The following KCNH3 variants were observed in gnomAD, a reference collection of about 807,000 sequenced individuals.
KCNH3 encodes the protein voltage-gated inwardly rectifying potassium channel KCNH3.
KCNH3 carries 36 observed loss-of-function variants against 95.6 expected under a neutral mutation model. The ratio of observed to expected loss-of-function variants is 0.38; its 90% CI spans 0.29 to 0.50. The LOEUF is 0.50. Ranked by LOEUF, KCNH3 falls within the 20% of genes least tolerant of loss-of-function variation. KCNH3 has a pLI of 0.95. For missense variants in KCNH3, 1,030 were observed against 1,484.1 expected, an observed-to-expected ratio of 0.69 and a Z score of 5.03; for synonymous variants, 620 against 646.3, an observed-to-expected ratio of 0.96 and a Z score of 0.62.
rs755768873 is a variant in KCNH3, at chr12:49,557,263, G to T, written c.2652+4G>T. On this transcript the variant is annotated splice_donor_region_variant and intron_variant, in intron 14 of 14. Coordinates refer to ENST00000257981, the MANE Select transcript of KCNH3 (RefSeq NM_012284.3). Reference sequence around the variant, plus strand: ...ACTGGACAAGCTTCGGCAGGCGGTGGGTGAGGGGGAAGGTGGAGGTGAGGG... The same window carrying T: ...ACTGGACAAGCTTCGGCAGGCGGTGTGTGAGGGGGAAGGTGGAGGTGAGGG... 1 of 1,614,010 alleles carries T rather than the reference G, an allele frequency of 6.2e-7. No homozygotes were observed. Among genetic ancestry groups the T allele is most frequent in the Non-Finnish European group, 8.5e-7 (1 of 1,179,992 alleles).
intron 12 of KCNH3, 150 bp downstream of exon 12, chr12:49,556,101 G>A (rs898647640): frequency 1.0e-5 from 6 of 597,060 alleles, no homozygotes; most frequent in Non-Finnish European, 1.5e-5. Flanking sequence ...AGCCTTCTGT[G>A]CTCCTCCTTT....
chr12:49,550,043 TC>T, intron 9 of KCNH3, 36 bp from the exon 10 acceptor site: 1 of 1,299,524 alleles, frequency 7.7e-7, no homozygotes, highest in South Asian at 1.3e-5. Context: ...CTTCTGCCAC[TC>T]CCAACCCCCC....
rs75224647 is a variant in KCNH3 at position 49,556,205 on chromosome 12, T to C, written c.2469-165T>C. On this transcript the variant is annotated intron_variant, in intron 12 of 14. Coordinates refer to ENST00000257981, the MANE Select transcript of KCNH3 (RefSeq NM_012284.3). The stretch of plus-strand genomic sequence containing the variant: ...CTCAAGCTTGGCCCCCCAGCTAAAC[T>C]GTAAGCTCCTAGGGGAAGGGACCCC... The C allele has an allele frequency of 3.5e-3, 2,244 of 635,114 alleles. 12 individuals carry two copies. The highest frequency in any genetic ancestry group is 4.5e-3 in the Non-Finnish European group (1,588 of 353,384). 39.3% of individuals were successfully genotyped at this position (635,114 alleles called of 1,614,324 possible).
intron 7 of KCNH3, among the ~76,000 whole-genome samples, chr12:49,545,475 C>T (rs2138145473): frequency 6.7e-6 from 1 of 149,450 alleles, no homozygotes; most frequent in South Asian, 2.1e-4. Context: ...TCACTGCAAG[C>T]TCCGCCTCCT....
chr12:49,553,451 G>T (rs1565781056), intron 10 of KCNH3, among the ~76,000 whole-genome samples: 1 of 152,106 alleles, frequency 6.6e-6, no homozygotes, highest in Non-Finnish European at 1.5e-5. Flanking sequence ...ATTTATAGGG[G>T]GTTCTATCTG....
At chr12:49,550,043 T>TAGCC in intron 9 of KCNH3, 37 bp from the exon 10 acceptor site, 1 of 1,299,542 alleles carries the variant, frequency 7.7e-7, no homozygotes, top group South Asian at 1.3e-5. Context: ...CTTCTGCCAC[T>TAGCC]CCCAACCCCC....
intron 10 of KCNH3, among the ~76,000 whole-genome samples, chr12:49,553,088 G>A (rs577330071): frequency 1.8e-4 from 28 of 152,202 alleles, no homozygotes; most frequent in African/African-American, 6.3e-4. Context: ...GCTGCCTTGA[G>A]GGTAGTGAGT....
intron 11 of KCNH3, among the ~76,000 whole-genome samples, chr12:49,555,205 C>T (rs945406566): frequency 6.6e-6 from 1 of 150,770 alleles, no homozygotes; most frequent in Non-Finnish European, 1.5e-5. Context: ...CTTTGGGAGG[C>T]TGAGGCGGGT....
chr12:49,557,191 C>T lies in KCNH3; in HGVS notation c.2584C>T (p.Leu862=). ...CATCCTACTACCCACAGAGAGCGGC[C>T]TGCTCACTGTTCCCCATGGGCCCAG... ...SSPSPGPESG[L]LTVPHGPSEA... is the part of the protein sequence containing the mutation. Residue 862 remains leucine (L), a synonymous_variant, in exon 14 of 15, where the codon CTG becomes TTG. Coordinates refer to ENST00000257981, the MANE Select transcript of KCNH3 (RefSeq NM_012284.3). 6.2e-7 allele frequency: 1 copy of T among 1,614,022 alleles called. No homozygotes were observed. The highest frequency in any genetic ancestry group is 8.5e-7 in the Non-Finnish European group (1 of 1,179,986).
Position 49,557,748 on chromosome 12 carries a change from C to T in KCNH3, c.3047C>T (p.Ala1016Val). The T allele has an allele frequency of 6.2e-7, 1 of 1,613,132 alleles. No homozygotes were observed. Among genetic ancestry groups the T allele is most frequent in the Non-Finnish European group, 8.5e-7 (1 of 1,179,668 alleles). The part of the protein sequence containing the change: ...GDLCSEPSTP[A>V]SPPPSEEGAR... Reference sequence around the variant, plus strand: ...CTCTGCTCTGAGCCCAGCACCCCTGCCTCCCCTCCTCCTTCTGAGGAAGGG... The same window carrying T: ...CTCTGCTCTGAGCCCAGCACCCCTGTCTCCCCTCCTCCTTCTGAGGAAGGG... The change falls in exon 15 of 15, where the codon GCC (alanine) becomes GTC (valine). Residue 1016 changes from alanine to valine, a missense_variant. This residue lies in a region of KCNH3 where 464 missense variants were observed against 493.2 expected (regional missense o/e 0.94). Transcript: ENST00000257981.
intron 10 of KCNH3, among the ~76,000 whole-genome samples, chr12:49,553,296 G>A (rs1181399998): frequency 1.3e-5 from 2 of 152,168 alleles, no homozygotes; most frequent in South Asian, 4.2e-4. Flanking sequence ...CCACCACACC[G>A]AGCTTAATTT....
chr12:49,544,732 C>G (rs569633764), intron 7 of KCNH3, among the ~76,000 whole-genome samples: 1 of 152,082 alleles, frequency 6.6e-6, no homozygotes, highest in Non-Finnish European at 1.5e-5. Context: ...CCCCTCCCCC[C>G]GCATCCTCTC....
In KCNH3 at chr12:49,557,378, C is replaced by T. The variant is rs1051831182; in HGVS notation, c.2677C>T (p.Leu893=). The T allele has an allele frequency of 6.2e-7, 1 of 1,601,942 alleles. No individual in the cohort carries two copies. The highest frequency in any genetic ancestry group is 1.7e-5 in the Admixed American group (1 of 59,658). ...GGTGACAGAGCTGTCAGAGCAGGTGCTGCAGATGCGGGAAGGACTGCAGTC... is the reference window on the plus strand; with the variant it reads ...GGTGACAGAGCTGTCAGAGCAGGTGTTGCAGATGCGGGAAGGACTGCAGTC... ...QAVTELSEQV[L]QMREGLQSLR... The change falls in exon 15 of 15, where the codon CTG becomes TTG. Residue 893 remains leucine (L), a synonymous_variant. Coordinates refer to ENST00000257981, the MANE Select transcript of KCNH3 (RefSeq NM_012284.3).
chr12:49,543,742 C>T lies in KCNH3; in HGVS notation c.824-173C>T, dbSNP rs954875943. ...TCTGAGCCTCCATAAAATAGATTCC[C>T]CCTTTGTAAAATAGGCAAAATGATG... On this transcript the variant is annotated intron_variant, in intron 5 of 14. Coordinates refer to ENST00000257981, the MANE Select transcript of KCNH3 (RefSeq NM_012284.3). The T allele has an allele frequency of 4.7e-6, 5 of 1,055,250 alleles. No homozygotes were observed. The East Asian group carries it at 1.3e-4, about 27-fold the overall frequency. The allele number at this position is 1,055,250 out of a possible 1,614,324, so 65.4% of individuals were successfully genotyped here. A position where few individuals can be genotyped will look rare whatever the true frequency, so the allele number is the denominator to read the frequency against.
At chr12:49,556,291 C>T (rs764397743) in intron 12 of KCNH3, 79 bp from the exon 13 acceptor site, 66 of 1,040,416 alleles carry the variant, frequency 6.3e-5, no homozygotes, top group Admixed American at 1.9e-4. Context: ...TGTGTGTGGA[C>T]GCTGGGGCAT....
chr12:49,542,852 C>G lies in KCNH3; in HGVS notation c.579+13C>G, dbSNP rs916836578. 1.9e-6 allele frequency: 3 copies of G among 1,604,550 alleles called. No homozygotes were observed. Among genetic ancestry groups the G allele is most frequent in the Non-Finnish European group, 2.5e-6 (3 of 1,176,872 alleles). On this transcript the variant is annotated intron_variant, in intron 4 of 14. Coordinates refer to ENST00000257981, the MANE Select transcript of KCNH3 (RefSeq NM_012284.3). ...CAAGCTCAATAAGGTGGGCTCAGCC[C>G]TGGGATGTGTGGGAGAGGGGAGGGG...
intron 10 of KCNH3, among the ~76,000 whole-genome samples, chr12:49,550,977 C>G (rs1200833753): frequency 2.0e-5 from 3 of 152,252 alleles, no homozygotes; most frequent in African/African-American, 7.2e-5. Context: ...GTGACTAGCC[C>G]TGTCCCAGCT....
intron 9 of KCNH3, 37 bp from the exon 10 acceptor site, chr12:49,550,043 T>TTGCCACCCCC: frequency 1.6e-5 from 21 of 1,299,514 alleles, no homozygotes; most frequent in East Asian, 2.5e-5. Flanking sequence ...CTTCTGCCAC[T>TTGCCACCCCC]CCCAACCCCC....
chr12:49,555,563 T>C (rs1592511765), intron 11 of KCNH3, 57 bp from the exon 12 acceptor site: 11 of 1,109,134 alleles, frequency 9.9e-6, no homozygotes, highest in Non-Finnish European at 1.3e-5. Flanking sequence ...GTAGGGGAGG[T>C]GAGTGGGACA....
Sources: allele counts gnomAD v4.1 joint callset (sites outside exome capture counted in the v4.1 genomes callset), GRCh38; gene constraint gnomAD v4.1.1; regional missense constraint gnomAD v4.1.1; transcripts MANE v1.5; gene names NCBI Gene and HGNC (gene_info 2026-07-23, HGNC 2026-07-21).